The following AVEN variants were observed in gnomAD, a reference collection of about 807,000 sequenced individuals.
AVEN encodes apoptosis and caspase activation inhibitor.
Under a neutral mutation model 38.1 loss-of-function variants are expected in AVEN, and 41 were observed. The observed-to-expected ratio is 1.08, with a 90% CI of 0.84 to 1.40. The LOEUF is 1.40. AVEN is among the 40% of genes most tolerant of loss of function. AVEN has a pLI of 0.00. For synonymous variants in AVEN, 206 were observed against 171.8 expected, an observed-to-expected ratio of 1.20 and a Z score of -1.56; for missense variants, 605 against 438.8, an observed-to-expected ratio of 1.38 and a Z score of -3.38.
At chr15:33,857,641 T>G, downstream of AVEN, 1 of 1,011,122 alleles carries the variant, frequency 9.9e-7, no homozygotes, top group Admixed American at 2.5e-5. Context: ...ATAGCTTTCT[T>G]AGCCGCCCTC....
chr15:33,915,510 G>A (rs970053874), intron 2 of AVEN, among the ~76,000 whole-genome samples: 2 of 152,218 alleles, frequency 1.3e-5, no homozygotes, highest in Non-Finnish European at 2.9e-5. Context: ...AGCGGGAAGA[G>A]CCCTGTGGGC....
chr15:34,053,010 T>C (rs925615596), intron 5 of AVEN, among the ~76,000 whole-genome samples: 4 of 151,962 alleles, frequency 2.6e-5, no homozygotes, highest in African/African-American at 9.7e-5. Flanking sequence ...AAAATTCATA[T>C]GGAACCAGGC....
intron 1 of AVEN, among the ~76,000 whole-genome samples, chr15:34,025,833 C>T (rs1898443935): frequency 6.6e-6 from 1 of 151,954 alleles, no homozygotes; most frequent in East Asian, 1.9e-4. Context: ...CTGGACCTGT[C>T]CAAACTCAAG....
intron 2 of AVEN, among the ~76,000 whole-genome samples, chr15:33,934,841 G>A (rs1024384248): frequency 3.3e-5 from 5 of 152,230 alleles, no homozygotes; most frequent in African/African-American, 1.2e-4. Flanking sequence ...CCTTGAGGAA[G>A]TTGTCTGCCT....
chr15:33,977,435 C>A (rs1181225803), intron 2 of AVEN, among the ~76,000 whole-genome samples: 1 of 152,174 alleles, frequency 6.6e-6, no homozygotes, highest in Non-Finnish European at 1.5e-5. Flanking sequence ...TAAAATACTG[C>A]ATATTATAAT....
intron 1 of AVEN, among the ~76,000 whole-genome samples, chr15:34,071,244 CACTT>C (rs772141562): frequency 1.3e-5 from 2 of 152,156 alleles, no homozygotes; most frequent in African/African-American, 4.8e-5. Context: ...ATACTCAACT[CACTT>C]ACCCCAATAT....
intron 1 of AVEN, among the ~76,000 whole-genome samples, chr15:34,029,383 A>G (rs922121291): frequency 1.3e-5 from 2 of 151,910 alleles, no homozygotes; most frequent in Admixed American, 6.6e-5. Context: ...TAAGAGGGGG[A>G]AAAAAAAGTT....
chr15:34,063,715 C>G lies in AVEN; in HGVS notation n.1127-283G>C, dbSNP rs748655667. 2 of 1,614,182 alleles carry G rather than the reference C, an allele frequency of 1.2e-6. No homozygotes were observed. The highest frequency in any genetic ancestry group is 1.7e-6 in the Non-Finnish European group (2 of 1,180,044). ...TACAAGAGTCAGGGTAAGGAAAGCCCAGGGGAAGAATTCAGTGCTGAAGAG... is the reference window on the plus strand; with the variant it reads ...TACAAGAGTCAGGGTAAGGAAAGCCGAGGGGAAGAATTCAGTGCTGAAGAG... On this transcript the variant is annotated intron_variant and non_coding_transcript_variant, in intron 4 of 11. Coordinates refer to the AVEN transcript ENST00000675287. This position sits in a 1 kb window ranked among gnomAD's most constrained non-coding sequence, Gnocchi z 4.1.
chr15:33,915,421 G>A (rs546359620), intron 2 of AVEN, among the ~76,000 whole-genome samples: 1 of 152,320 alleles, frequency 6.6e-6, no homozygotes, highest in African/African-American at 2.4e-5. Flanking sequence ...TGAAGGTCCA[G>A]ATCACAAGAG....
intron 3 of AVEN, among the ~76,000 whole-genome samples, chr15:33,874,021 C>G (rs1891119359): frequency 6.6e-6 from 1 of 152,112 alleles, no homozygotes; most frequent in Admixed American, 6.6e-5. Flanking sequence ...CCTCTAACCT[C>G]TCATCTCATC....
downstream of AVEN, chr15:33,858,119 C>G (rs2079897325): frequency 4.6e-6 from 3 of 646,896 alleles, no homozygotes; most frequent in Non-Finnish European, 7.8e-6. Context: ...AGGTAGTTTT[C>G]ATTACCACAC....
intron 2 of AVEN, among the ~76,000 whole-genome samples, chr15:33,917,525 G>GTGTA (rs1200110843): frequency 6.9e-6 from 1 of 145,810 alleles, no homozygotes; most frequent in African/African-American, 2.5e-5. Flanking sequence ...ACACATACGT[G>GTGTA]TATATATATA....
chr15:33,863,726 C>T (rs1230240510), downstream of AVEN, among the ~76,000 whole-genome samples: 1 of 152,178 alleles, frequency 6.6e-6, no homozygotes, highest in Non-Finnish European at 1.5e-5. Context: ...GACAGATATT[C>T]TTGAGACACA....
intron 2 of AVEN, among the ~76,000 whole-genome samples, chr15:33,920,032 T>C (rs1283519340): frequency 3.9e-5 from 6 of 152,096 alleles, no homozygotes; most frequent in African/African-American, 1.4e-4. Context: ...AACTAACTAC[T>C]CACGTGAACC....
rs972472828 is a variant in AVEN, at chr15:33,891,239, T to G, written c.446-15244A>C. 3.7e-4 allele frequency among the ~76,000 whole-genome samples: 56 copies of G among 152,362 alleles called. 1 individual carries two copies. The highest frequency in any genetic ancestry group is 1.3e-3 in the African/African-American group (54 of 41,594). On this transcript the variant is annotated intron_variant, in intron 2 of 5. Coordinates refer to ENST00000306730, the MANE Select transcript of AVEN (RefSeq NM_020371.3). ...TTGTATTAACTATTTTTTAATGGTTTGTTTTTATTATACTTTAAGTTCTAG... is the reference window on the plus strand; with the variant it reads ...TTGTATTAACTATTTTTTAATGGTTGGTTTTTATTATACTTTAAGTTCTAG...
Position 33,970,506 on chromosome 15 carries a change from ATTG to A in AVEN, c.445+32523_445+32525del, listed in dbSNP as rs531922445. On this transcript the variant is annotated intron_variant, in intron 2 of 5. Transcript: ENST00000306730. The stretch of plus-strand genomic sequence containing the variant: ...GACATAACTAAAAGTTAAGGGTGGT[ATTG>A]TTGTTGTTTACCTACACTGAGAAAC... Among the ~76,000 whole-genome samples, 18 of 152,070 alleles carry A rather than the reference ATTG, an allele frequency of 1.2e-4. No individual in the cohort carries two copies. In the South Asian group the frequency reaches 2.1e-3, roughly 18 times the overall value.
At chr15:34,037,501 TAA>T (rs931964775) in intron 1 of AVEN, among the ~76,000 whole-genome samples, 1 of 149,540 alleles carries the variant, frequency 6.7e-6, no homozygotes, top group Non-Finnish European at 1.5e-5. Flanking sequence ...ACATTGTAGT[TAA>T]TATATAATTA....
At chr15:33,853,910 TG>T (rs1327129054), downstream of AVEN, among the ~76,000 whole-genome samples, 1 of 152,086 alleles carries the variant, frequency 6.6e-6, no homozygotes, top group Non-Finnish European at 1.5e-5. Context: ...AATTTCAGGT[TG>T]GGCTGGGCGC....
intron 5 of AVEN, among the ~76,000 whole-genome samples, chr15:34,050,035 C>T (rs1333027766): frequency 6.6e-6 from 1 of 151,994 alleles, no homozygotes; most frequent in Non-Finnish European, 1.5e-5. Flanking sequence ...CTACAGGCAC[C>T]TGCCACCATG....
Sources: gnomAD v4.1 joint callset for allele counts (sites outside exome capture counted in the v4.1 genomes callset) on GRCh38, gnomAD v4.1.1 for gene constraint, Gnocchi (gnomAD v3.1) non-coding constraint, MANE v1.5 for transcripts, NCBI Gene and HGNC (gene_info 2026-07-23, HGNC 2026-07-21) for gene names.